Variants in KCNK10 observed in about 807,000 individuals in gnomAD.
KCNK10 encodes the protein potassium two pore domain channel subfamily K member 10.
A neutral mutation model predicts 47.7 loss-of-function variants in KCNK10; 25 were observed. That is an observed-to-expected ratio of 0.52 (90% CI 0.38 to 0.73). The LOEUF is 0.73. Among genes scored for constraint, KCNK10 ranks in the 30% least tolerant of loss-of-function variants. The probability of loss-of-function intolerance (pLI) is 0.00; values close to 1 mark genes in which losing one functional copy is unlikely to be tolerated. For missense variants in KCNK10, 563 were observed against 714.5 expected, an observed-to-expected ratio of 0.79 and a Z score of 2.42; for synonymous variants, 303 against 285.6, an observed-to-expected ratio of 1.06 and a Z score of -0.61.
At chr14:88,313,222 C>G (rs1888361753) in intron 1 of KCNK10, among the ~76,000 whole-genome samples, 1 of 152,202 alleles carries the variant, frequency 6.6e-6, no homozygotes. Flanking sequence ...GAGATAATAA[C>G]TACAAAGCAT....
chr14:88,257,288 G>A (rs549089075), intron 2 of KCNK10, among the ~76,000 whole-genome samples: 4 of 151,958 alleles, frequency 2.6e-5, no homozygotes, highest in African/African-American at 7.2e-5. Flanking sequence ...TCAGTGACTC[G>A]ACATTCCACA....
chr14:88,282,874 G>A (rs1887680712), intron 1 of KCNK10, among the ~76,000 whole-genome samples: 1 of 152,194 alleles, frequency 6.6e-6, no homozygotes, highest in East Asian at 1.9e-4. Context: ...CCTCCTGACA[G>A]TGCTTCCGCA....
intron 1 of KCNK10, among the ~76,000 whole-genome samples, chr14:88,276,959 T>A (rs1197121142): frequency 2.0e-5 from 3 of 152,250 alleles, no homozygotes; most frequent in African/African-American, 7.2e-5. Flanking sequence ...ACAAAAGGAT[T>A]TTCCATCGAA....
At position 88,322,733 on chromosome 14, in the gene KCNK10, T is replaced by C. The variant is rs746674244; in HGVS notation, c.52+14A>G. ...GAGGCAGGGCGAGGGCAGCCAAAAG[T>C]AGGAAACACCCACCTTTAGGATCCC... On this transcript the variant is annotated intron_variant, in intron 1 of 6. Transcript: ENST00000319231. This position sits in a 1 kb window ranked among gnomAD's most constrained non-coding sequence, Gnocchi z 4.8. 1 of 1,613,828 alleles carries C rather than the reference T, an allele frequency of 6.2e-7. No homozygotes were observed. Among genetic ancestry groups the C allele is most frequent in the Admixed American group, 1.7e-5 (1 of 60,008 alleles).
At chr14:88,196,466 G>A (rs757023942) in intron 4 of KCNK10, among the ~76,000 whole-genome samples, 3 of 152,210 alleles carry the variant, frequency 2.0e-5, no homozygotes, top group Non-Finnish European at 2.9e-5. Flanking sequence ...TTATTTTGGA[G>A]AGCATGTATA....
intron 1 of KCNK10, among the ~76,000 whole-genome samples, chr14:88,297,117 C>T (rs564217048): frequency 2.0e-5 from 3 of 152,238 alleles, no homozygotes; most frequent in Admixed American, 2.0e-4. Flanking sequence ...GAGTACTGCA[C>T]AGAGCCTGGT....
rs1204536918 is a variant in KCNK10, at chr14:88,186,267, C to G, written c.1012-112G>C. ...ACGGGGAGGCCAGGAGGTGACGGAGCACATGCCCAGGGGGAGGTGCAAATG... is the reference window on the plus strand; with the variant it reads ...ACGGGGAGGCCAGGAGGTGACGGAGGACATGCCCAGGGGGAGGTGCAAATG... On this transcript the variant is annotated intron_variant, in intron 6 of 6. Transcript: ENST00000319231. The surrounding 1 kb of genome is among the most constrained non-coding windows in gnomAD (Gnocchi z 5.5). 7.7e-7 allele frequency: 1 copy of G among 1,299,330 alleles called. No individual in the cohort carries two copies. Among genetic ancestry groups the G allele is most frequent in the African/African-American group, 1.5e-5 (1 of 66,950 alleles). The allele number at this position is 1,299,330 out of a possible 1,614,324, so 80.5% of individuals were successfully genotyped here.
At chr14:88,258,052 C>G (rs1384663945) in intron 2 of KCNK10, among the ~76,000 whole-genome samples, 1 of 152,180 alleles carries the variant, frequency 6.6e-6, no homozygotes, top group Non-Finnish European at 1.5e-5. Flanking sequence ...ATCCCCTCCC[C>G]GGTGACCCCA....
intron 4 of KCNK10, among the ~76,000 whole-genome samples, chr14:88,194,507 C>T (rs923247687): frequency 6.6e-6 from 1 of 152,110 alleles, no homozygotes; most frequent in Non-Finnish European, 1.5e-5. Flanking sequence ...TTGTGAGATG[C>T]TTGTTAAGTC....
At chr14:88,290,109 G>A (rs1182652258) in intron 1 of KCNK10, among the ~76,000 whole-genome samples, 4 of 152,122 alleles carry the variant, frequency 2.6e-5, no homozygotes, top group East Asian at 1.9e-4. Flanking sequence ...TACTTTACAC[G>A]ACAAAGGGAT....
At chr14:88,305,922 T>C (rs1888194678) in intron 1 of KCNK10, among the ~76,000 whole-genome samples, 1 of 152,204 alleles carries the variant, frequency 6.6e-6, no homozygotes. Flanking sequence ...ATTGGGGTGT[T>C]TACGCACCAT....
At chr14:88,218,033 T>G (rs1241778627) in intron 4 of KCNK10, among the ~76,000 whole-genome samples, 1 of 152,012 alleles carries the variant, frequency 6.6e-6, no homozygotes, top group Non-Finnish European at 1.5e-5. Context: ...CGATTTTCTT[T>G]TTTTTTTCAG....
At chr14:88,292,665 C>T (rs1887907283) in intron 1 of KCNK10, among the ~76,000 whole-genome samples, 1 of 152,006 alleles carries the variant, frequency 6.6e-6, no homozygotes, top group South Asian at 2.1e-4. Flanking sequence ...CAGGGACTGG[C>T]TCTGTCACCC....
upstream of KCNK10, chr14:88,326,702 CAG>C: frequency 1.9e-6 from 1 of 536,634 alleles, no homozygotes. Flanking sequence ...CGGGTCTCTG[CAG>C]CTCAAAACCT....
In KCNK10 at chr14:88,180,206, G is replaced by C. The variant is rs1647742289; in HGVS notation, c.*5329C>G. On this transcript the variant is annotated 3_prime_UTR_variant, in exon 7 of 7. Transcript: ENST00000319231. ...CAATAGCAGCACAGCTTATTGAAAT[G>C]TCACAAGCAAATTTGTTTTGTACTT... is the stretch of plus-strand genomic sequence containing the variant. 1 of 152,232 alleles carries C rather than the reference G, an allele frequency of 6.6e-6. No homozygotes were observed. Among genetic ancestry groups the C allele is most frequent in the Non-Finnish European group, 1.5e-5 (1 of 68,022 alleles). The allele number at this position is 152,232 out of a possible 1,614,324, so 9.4% of individuals were successfully genotyped here. A position where few individuals can be genotyped will look rare whatever the true frequency, so the allele number is the denominator to read the frequency against.
At chr14:88,231,260 C>T (rs2139877583) in intron 3 of KCNK10, among the ~76,000 whole-genome samples, 1 of 151,592 alleles carries the variant, frequency 6.6e-6, no homozygotes, top group Non-Finnish European at 1.5e-5. Context: ...GCCCAGGCAA[C>T]AAAGCAATAC....
chr14:88,260,235 G>A lies in KCNK10; in HGVS notation c.402+2967C>T, dbSNP rs1315760243. 2.6e-5 allele frequency among the ~76,000 whole-genome samples: 4 copies of A among 152,208 alleles called. No homozygotes were observed. The highest frequency in any genetic ancestry group is 4.2e-4 in the South Asian group (2 of 4,812). On this transcript the variant is annotated intron_variant, in intron 2 of 6. Transcript: ENST00000319231. The surrounding 1 kb of genome is among the most constrained non-coding windows in gnomAD (Gnocchi z 4.5). ...TGGGATTACAGGTGTAAGCCACCGC[G>A]CCAGGCCAAGATATGGTTGTTTAAA...
chr14:88,282,399 C>T (rs1305791736), intron 1 of KCNK10, among the ~76,000 whole-genome samples: 1 of 152,176 alleles, frequency 6.6e-6, no homozygotes, highest in Non-Finnish European at 1.5e-5. Flanking sequence ...TATTAATTTG[C>T]AAATTTAGCT....
rs750254560 is a variant in KCNK10 at position 88,262,489 on chromosome 14, C to T, written c.402+713G>A. Among the ~76,000 whole-genome samples the T allele has an allele frequency of 3.9e-5, 6 of 152,272 alleles. 1 individual carries two copies. Among genetic ancestry groups the T allele is most frequent in the African/African-American group, 4.8e-5 (2 of 41,548 alleles). ...CTCTGGCTTTCCTATAGCTCCTTAC[C>T]GCCACAGTCCACCCCTGCCAAGTCC... On this transcript the variant is annotated intron_variant, in intron 2 of 6. Transcript: ENST00000319231.
Sources: gnomAD v4.1 joint callset for allele counts (sites outside exome capture counted in the v4.1 genomes callset) on GRCh38, gnomAD v4.1.1 for gene constraint, Gnocchi (gnomAD v3.1) non-coding constraint, MANE v1.5 for transcripts, NCBI Gene and HGNC (gene_info 2026-07-23, HGNC 2026-07-21) for gene names.